Variants in GALNT14 observed in about 807,000 individuals in gnomAD.
The protein encoded by GALNT14 is polypeptide N-acetylgalactosaminyltransferase 14.
Under a neutral mutation model 77.5 loss-of-function variants are expected in GALNT14, and 60 were observed. The observed-to-expected ratio is 0.77, with a 90% confidence interval of 0.63 to 0.96. The LOEUF (loss-of-function observed/expected upper bound fraction) is 0.96. Among genes scored for constraint, GALNT14 ranks in the 40% least tolerant of loss-of-function variants. The pLI, the probability that GALNT14 is intolerant of heterozygous loss-of-function variation, is 0.00. For synonymous variants in GALNT14, 280 were observed against 281.7 expected, an observed-to-expected ratio of 0.99 and a Z score of 0.06; for missense variants, 710 against 731.0, an observed-to-expected ratio of 0.97 and a Z score of 0.33.
chr2:30,924,224 T>C lies in GALNT14; in HGVS notation c.1275A>G (p.Arg425=), dbSNP rs770159196. The change falls in exon 13 of 15, where the codon CGA becomes CGG. Residue 425 remains arginine, a synonymous_variant. Coordinates refer to ENST00000349752, the MANE Select transcript of GALNT14 (RefSeq NM_024572.4). ...GAGATTCCAGGCACTTCTGTCTCTG[T>C]CGGATATTGCCCTTCTGGATGGAGG... is the stretch of plus-strand genomic sequence containing the variant. ...KESSIQKGNI[R]QRQKCLESQR... is the part of the protein sequence containing the mutation. 1 of 1,614,158 alleles carries C rather than the reference T, an allele frequency of 6.2e-7. No individual in the cohort carries two copies. Among genetic ancestry groups the C allele is most frequent in the Admixed American group, 1.7e-5 (1 of 60,014 alleles).
At chr2:31,137,686 G>A (rs1573401062) in intron 1 of GALNT14, among the ~76,000 whole-genome samples, 1 of 152,102 alleles carries the variant, frequency 6.6e-6, no homozygotes, top group African/African-American at 2.4e-5. Flanking sequence ...CGGGACCCTC[G>A]CGCGCAGCTC....
the GALNT14 span, among the ~76,000 whole-genome samples, chr2:30,898,139 A>G: frequency 6.9e-4 from 105 of 152,350 alleles, no homozygotes; most frequent in African/African-American, 2.5e-3. Flanking sequence ...AGGGACCCCC[A>G]GAGAGTGAGC....
intron 1 of GALNT14, among the ~76,000 whole-genome samples, chr2:31,045,688 C>T (rs1039511271): frequency 2.0e-5 from 3 of 152,100 alleles, no homozygotes; most frequent in Non-Finnish European, 4.4e-5. Context: ...GTCTCGAACT[C>T]CTGACCTCAA....
At chr2:31,052,651 A>AACTC (rs145336989) in intron 1 of GALNT14, among the ~76,000 whole-genome samples, 2,565 of 152,206 alleles carry the variant, frequency 0.017, 71 homozygotes, top group African/African-American at 0.056. Flanking sequence ...GTGGGAGAGC[A>AACTC]ACTCCAGCCT....
intron 3 of GALNT14, among the ~76,000 whole-genome samples, chr2:30,965,899 T>C (rs1458740339): frequency 6.6e-6 from 1 of 152,160 alleles, no homozygotes; most frequent in Non-Finnish European, 1.5e-5. Context: ...ACCCATGCTC[T>C]AGAGGCAGCC....
At chr2:30,918,335 T>C (rs763504993) in intron 13 of GALNT14, among the ~76,000 whole-genome samples, 4 of 152,236 alleles carry the variant, frequency 2.6e-5, no homozygotes, top group Non-Finnish European at 4.4e-5. Context: ...AGCGAGTTAC[T>C]CAACTCTGTA....
At chr2:30,889,680 A>T in the GALNT14 span, among the ~76,000 whole-genome samples, 62 of 152,286 alleles carry the variant, frequency 4.1e-4, no homozygotes, top group South Asian at 9.3e-3. Context: ...AATTTCTGGG[A>T]TTCCTGTACA....
chr2:30,994,730 C>T (rs961687340), intron 1 of GALNT14, among the ~76,000 whole-genome samples: 2 of 152,138 alleles, frequency 1.3e-5, no homozygotes, highest in African/African-American at 4.8e-5. Context: ...GGCCATAGAA[C>T]TGTCTCCCAC....
chr2:31,086,920 T>G (rs1676459275), intron 1 of GALNT14, among the ~76,000 whole-genome samples: 1 of 152,172 alleles, frequency 6.6e-6, no homozygotes, highest in African/African-American at 2.4e-5. Flanking sequence ...TACATTCTAA[T>G]TAGGGAGACA....
chr2:31,079,691 C>T (rs1676036755), intron 1 of GALNT14, among the ~76,000 whole-genome samples: 1 of 152,180 alleles, frequency 6.6e-6, no homozygotes, highest in South Asian at 2.1e-4. Flanking sequence ...AACATGGTGT[C>T]ATCCCTGTTG....
chr2:30,989,586 AT>A (rs1235582300), intron 2 of GALNT14, among the ~76,000 whole-genome samples: 10 of 125,832 alleles, frequency 7.9e-5, no homozygotes, highest in African/African-American at 3.2e-4. Context: ...ATATATAAAA[AT>A]ATATATATTA....
chr2:31,136,411 C>T (rs1360062624), intron 1 of GALNT14, among the ~76,000 whole-genome samples: 2 of 152,204 alleles, frequency 1.3e-5, no homozygotes, highest in Non-Finnish European at 2.9e-5. Flanking sequence ...TTATCCTTCT[C>T]AGCTCAGCTC....
chr2:30,988,148 G>A (rs1367923816), intron 2 of GALNT14, among the ~76,000 whole-genome samples: 1 of 152,118 alleles, frequency 6.6e-6, no homozygotes, highest in East Asian at 1.9e-4. Flanking sequence ...GCTTTTCCAG[G>A]GTTACCCTCC....
the GALNT14 span, among the ~76,000 whole-genome samples, chr2:30,903,490 G>C: frequency 7.9e-5 from 12 of 152,258 alleles, no homozygotes; most frequent in African/African-American, 2.9e-4. Context: ...ACTTGCCTGG[G>C]TGAAGCAAGC....
chr2:31,035,603 ACACACACACACACCTAC>A (rs1672683704), intron 1 of GALNT14, among the ~76,000 whole-genome samples: 1 of 46,698 alleles, frequency 2.1e-5, no homozygotes, highest in Non-Finnish European at 4.1e-5. Flanking sequence ...ATACATATAC[ACACACACACACACCTAC>A]ACACACACAC....
At chr2:30,897,257 A>G in the GALNT14 span, among the ~76,000 whole-genome samples, 1 of 152,140 alleles carries the variant, frequency 6.6e-6, no homozygotes, top group African/African-American at 2.4e-5. Flanking sequence ...CCAGGTGTCC[A>G]GAGCAAGGGG....
chr2:30,886,828 T>C, the GALNT14 span, among the ~76,000 whole-genome samples: 10 of 152,264 alleles, frequency 6.6e-5, no homozygotes, highest in Admixed American at 6.5e-4. Context: ...CATAATCTTG[T>C]ACAACCAACA....
chr2:31,085,658 G>T (rs1177861167), intron 1 of GALNT14, among the ~76,000 whole-genome samples: 1 of 152,232 alleles, frequency 6.6e-6, no homozygotes, highest in Non-Finnish European at 1.5e-5. Context: ...GGGCTCATGA[G>T]AAGTCTCTTC....
At position 30,943,839 on chromosome 2, in the gene GALNT14, T is replaced by A. The variant is rs115663801; in HGVS notation, c.827+1019A>T. Among the ~76,000 whole-genome samples the A allele has an allele frequency of 3.9e-3, 597 of 152,260 alleles. 6 individuals carry two copies. Among genetic ancestry groups the A allele is most frequent in the African/African-American group, 0.014 (564 of 41,540 alleles). The stretch of plus-strand genomic sequence containing the variant: ...GGCCATCAGGTAGATGAGACCAAGG[T>A]CCTACCCCACAGTAGAGTTCTCAGA... On this transcript the variant is annotated intron_variant, in intron 8 of 14. Coordinates refer to ENST00000349752, the MANE Select transcript of GALNT14 (RefSeq NM_024572.4).
Sources: allele counts gnomAD v4.1 joint callset (sites outside exome capture counted in the v4.1 genomes callset), GRCh38; gene constraint gnomAD v4.1.1; transcripts MANE v1.5; gene names NCBI Gene and HGNC (gene_info 2026-07-23, HGNC 2026-07-21).